Variants in INPP4B observed in about 807,000 individuals in gnomAD.
The protein encoded by INPP4B is inositol polyphosphate 4-phosphatase type II.
In INPP4B, 55 loss-of-function variants were observed where a neutral mutation model predicts 122.5. The observed-to-expected ratio is 0.45, with a 90% CI of 0.36 to 0.56. The LOEUF (loss-of-function observed/expected upper bound fraction) is 0.56, where lower values mean the gene tolerates loss of function less well. INPP4B is among the 20% of genes least tolerant of loss of function. The pLI, the probability that INPP4B is intolerant of heterozygous loss-of-function variation, is 0.00. For synonymous variants in INPP4B, 403 were observed against 388.7 expected, an observed-to-expected ratio of 1.04 and a Z score of -0.43; for missense variants, 1,000 against 1,097.7, an observed-to-expected ratio of 0.91 and a Z score of 1.26.
At chr4:142,188,505 A>AT (rs1561426156) in intron 15 of INPP4B, among the ~76,000 whole-genome samples, 6 of 117,832 alleles carry the variant, frequency 5.1e-5, no homozygotes, top group African/African-American at 1.9e-4. Flanking sequence ...AAAAAAAAAA[A>AT]AAAAAGAAAA....
intron 7 of INPP4B, among the ~76,000 whole-genome samples, chr4:142,340,891 GA>G (rs915805421): frequency 1.3e-5 from 2 of 151,900 alleles, no homozygotes; most frequent in Admixed American, 6.6e-5. Context: ...ACCATCTGGA[GA>G]AAAAAAACTG....
rs908598399 is a variant in INPP4B, at chr4:142,619,518, A to T, written c.-191+106321T>A. Among the ~76,000 whole-genome samples the T allele has an allele frequency of 3.3e-5, 5 of 152,210 alleles. No homozygotes were observed. In the East Asian group the frequency reaches 9.7e-4, roughly 29 times the overall value. ...GAATAAATGCTGGATAATACTACTT[A>T]AAGGAGTTATATAAAAGAGTCAGGG... On this transcript the variant is annotated intron_variant, in intron 2 of 25. Transcript: ENST00000262992.
At chr4:142,187,955 T>C (rs1026645718) in intron 15 of INPP4B, among the ~76,000 whole-genome samples, 2 of 152,058 alleles carry the variant, frequency 1.3e-5, no homozygotes, top group African/African-American at 4.8e-5. Context: ...TTTCAAATTT[T>C]TAACAGAAAA....
At chr4:142,162,318 TA>T (rs1256843734) in intron 16 of INPP4B, among the ~76,000 whole-genome samples, 55 of 151,408 alleles carry the variant, frequency 3.6e-4, no homozygotes, top group Middle Eastern at 3.4e-3. Flanking sequence ...ATGAAAGATA[TA>T]AAAAAACTGA....
intron 2 of INPP4B, among the ~76,000 whole-genome samples, chr4:142,555,911 G>A (rs974414994): frequency 2.0e-5 from 3 of 151,626 alleles, no homozygotes; most frequent in South Asian, 4.2e-4. Flanking sequence ...CTATGTTTCT[G>A]TCTACTAGCA....
At chr4:142,834,967 T>C (rs1416234037) in intron 1 of INPP4B, among the ~76,000 whole-genome samples, 1 of 152,200 alleles carries the variant, frequency 6.6e-6, no homozygotes, top group South Asian at 2.1e-4. Flanking sequence ...TCTTCACCTG[T>C]TTTCATTTGT....
chr4:142,699,405 C>T (rs1038352395), intron 2 of INPP4B, among the ~76,000 whole-genome samples: 2 of 152,128 alleles, frequency 1.3e-5, no homozygotes, highest in Non-Finnish European at 1.5e-5. Flanking sequence ...TACCATGACT[C>T]TCTTGTGCTT....
chr4:142,838,036 T>G (rs562929324), intron 1 of INPP4B, among the ~76,000 whole-genome samples: 3 of 151,730 alleles, frequency 2.0e-5, no homozygotes, highest in South Asian at 4.2e-4. Context: ...AAGTGGTGTT[T>G]TTTTTTTTTT....
intron 11 of INPP4B, among the ~76,000 whole-genome samples, chr4:142,259,964 A>G (rs1053572895): frequency 1.8e-4 from 27 of 152,230 alleles, no homozygotes; most frequent in African/African-American, 5.8e-4. Context: ...AAATGTCATT[A>G]TGCAGCACAT....
intron 2 of INPP4B, among the ~76,000 whole-genome samples, chr4:142,534,151 A>G (rs1317167199): frequency 6.6e-6 from 1 of 152,130 alleles, no homozygotes. Context: ...TATGCCCTTT[A>G]AAGTTGAAGG....
intron 1 of INPP4B, among the ~76,000 whole-genome samples, chr4:142,733,947 G>C (rs1766452864): frequency 6.6e-6 from 1 of 152,120 alleles, no homozygotes; most frequent in Non-Finnish European, 1.5e-5. Flanking sequence ...TGAACAATAT[G>C]AATATCACAA....
intron 2 of INPP4B, among the ~76,000 whole-genome samples, chr4:142,471,836 A>G (rs1580151715): frequency 6.6e-6 from 1 of 152,138 alleles, no homozygotes; most frequent in South Asian, 2.1e-4. Context: ...GATCCTAGGC[A>G]CTTTTGCCTT....
At chr4:142,707,494 T>C (rs1762605307) in intron 2 of INPP4B, among the ~76,000 whole-genome samples, 1 of 152,166 alleles carries the variant, frequency 6.6e-6, no homozygotes, top group African/African-American at 2.4e-5. Context: ...AGGGTGGACT[T>C]CCCCCTTTCT....
chr4:142,538,263 G>A (rs1319481120), intron 2 of INPP4B, among the ~76,000 whole-genome samples: 1 of 152,046 alleles, frequency 6.6e-6, no homozygotes, highest in East Asian at 1.9e-4. Context: ...AATCCACATG[G>A]CAAGAAGGGC....
intron 1 of INPP4B, among the ~76,000 whole-genome samples, chr4:142,793,166 G>A (rs932267245): frequency 2.0e-5 from 3 of 152,080 alleles, no homozygotes; most frequent in Non-Finnish European, 4.4e-5. Flanking sequence ...TACCCACAAG[G>A]ATGTTTTGCT....
At chr4:142,694,696 G>A (rs1254825577) in intron 2 of INPP4B, among the ~76,000 whole-genome samples, 2 of 152,156 alleles carry the variant, frequency 1.3e-5, no homozygotes, top group Non-Finnish European at 2.9e-5. Flanking sequence ...ATTATCTGCA[G>A]CTTCGTCCTT....
At chr4:142,110,966 G>A (rs540712515) in intron 22 of INPP4B, among the ~76,000 whole-genome samples, 7 of 152,134 alleles carry the variant, frequency 4.6e-5, no homozygotes, top group Admixed American at 2.6e-4. Flanking sequence ...GTAGTGTACC[G>A]AAGAAGAGGC....
At chr4:142,451,635 T>C (rs1274076355) in intron 3 of INPP4B, among the ~76,000 whole-genome samples, 1 of 152,212 alleles carries the variant, frequency 6.6e-6, no homozygotes, top group Non-Finnish European at 1.5e-5. Context: ...TAGTTTCTTT[T>C]ATTGCTTCTT....
rs148132585 is a variant in INPP4B at position 142,382,873 on chromosome 4, A to T, written c.372+20065T>A. ...CTCATCGTCTTTCCTACAGAGTCCGAGAAAATATTGAATAATAATGATGAT... is the reference window on the plus strand; with the variant it reads ...CTCATCGTCTTTCCTACAGAGTCCGTGAAAATATTGAATAATAATGATGAT... On this transcript the variant is annotated intron_variant, in intron 7 of 25. Coordinates refer to ENST00000262992, the MANE Select transcript of INPP4B (RefSeq NM_001101669.3). Among the ~76,000 whole-genome samples the T allele has an allele frequency of 6.7e-3, 1,018 of 151,704 alleles. 11 individuals are homozygous for T. Among genetic ancestry groups the T allele is most frequent in the South Asian group, 0.013 (63 of 4,818 alleles).
Sources: allele counts gnomAD v4.1 joint callset (sites outside exome capture counted in the v4.1 genomes callset), GRCh38; gene constraint gnomAD v4.1.1; transcripts MANE v1.5; gene names NCBI Gene and HGNC (gene_info 2026-07-23, HGNC 2026-07-21).